CDYL: variants seen among roughly 807,000 people sequenced by gnomAD.
The protein encoded by CDYL is chromodomain Y like.
CDYL carries 8 observed loss-of-function variants against 47.3 expected under a neutral mutation model. The ratio of observed to expected loss-of-function variants is 0.17; its 90% CI spans 0.10 to 0.31. The LOEUF (loss-of-function observed/expected upper bound fraction) is 0.31, where lower values mean the gene tolerates loss of function less well. Ranked by LOEUF, CDYL falls within the 10% of genes least tolerant of loss-of-function variation. The pLI, the probability that CDYL is intolerant of heterozygous loss-of-function variation, is 1.00. For missense variants in CDYL, 471 were observed against 701.4 expected, an observed-to-expected ratio of 0.67 and a Z score of 3.71; for synonymous variants, 266 against 265.0, an observed-to-expected ratio of 1.00 and a Z score of -0.04.
chr6:4,879,065 T>G (rs762112384), intron 1 of CDYL, among the ~76,000 whole-genome samples: 11 of 152,198 alleles, frequency 7.2e-5, no homozygotes, highest in Non-Finnish European at 1.5e-4. Context: ...CTGTAAGATA[T>G]TCCATTCACT....
At chr6:4,801,934 C>T (rs1188940388) in intron 1 of CDYL, among the ~76,000 whole-genome samples, 1 of 152,190 alleles carries the variant, frequency 6.6e-6, no homozygotes, top group African/African-American at 2.4e-5. Context: ...GTATGTAGTT[C>T]AGCTGTCAGC....
At chr6:4,882,914 A>G (rs948276867) in intron 1 of CDYL, among the ~76,000 whole-genome samples, 2 of 152,172 alleles carry the variant, frequency 1.3e-5, no homozygotes, top group African/African-American at 2.4e-5. Context: ...GTTGACGTAC[A>G]TTCTTGCCGT....
chr6:4,852,799 CTTTG>C (rs1345754355), intron 1 of CDYL, among the ~76,000 whole-genome samples: 2 of 144,676 alleles, frequency 1.4e-5, no homozygotes, highest in South Asian at 2.1e-4. Flanking sequence ...TCATGGGTTT[CTTTG>C]TTCTTTTTTT....
chr6:4,722,272 G>C (rs1054667165), intron 2 of CDYL, among the ~76,000 whole-genome samples: 20 of 151,928 alleles, frequency 1.3e-4, no homozygotes, highest in African/African-American at 4.6e-4. Flanking sequence ...AACCAGCCTG[G>C]GCAACACAGC....
intron 1 of CDYL, among the ~76,000 whole-genome samples, chr6:4,821,740 GA>G (rs61074922): frequency 0.028 from 4,006 of 142,620 alleles, 91 homozygotes; most frequent in East Asian, 0.095. Flanking sequence ...TATCTCGGGG[GA>G]AAAAAAAAAA....
intron 1 of CDYL, among the ~76,000 whole-genome samples, chr6:4,794,588 G>GGGGAA (rs1759018332): frequency 6.6e-6 from 1 of 152,072 alleles, no homozygotes; most frequent in African/African-American, 2.4e-5. Context: ...GGGAAGGGGA[G>GGGGAA]GGCCAGGAGA....
At chr6:4,929,493 TACACAC>T (rs71540836) in intron 2 of CDYL, among the ~76,000 whole-genome samples, 38 of 144,036 alleles carry the variant, frequency 2.6e-4, no homozygotes, top group African/African-American at 7.2e-4. Context: ...ATGTTTTACT[TACACAC>T]ACACACACAC....
intron 1 of CDYL, among the ~76,000 whole-genome samples, chr6:4,857,392 G>A (rs1019050225): frequency 1.3e-5 from 2 of 152,182 alleles, no homozygotes; most frequent in African/African-American, 4.8e-5. Context: ...GAATTTAAGG[G>A]TAGTTGCAAA....
At chr6:4,820,647 G>A (rs1034684114) in intron 1 of CDYL, among the ~76,000 whole-genome samples, 7 of 152,176 alleles carry the variant, frequency 4.6e-5, no homozygotes, top group African/African-American at 1.7e-4. Context: ...AGAAGAGGCT[G>A]CATAGACAGG....
upstream of CDYL, among the ~76,000 whole-genome samples, chr6:4,776,241 C>A (rs1489685389): frequency 2.1e-5 from 3 of 143,578 alleles, no homozygotes; most frequent in Non-Finnish European, 4.6e-5. Flanking sequence ...GCCGGCCGCC[C>A]GCCTCGGCCC....
chr6:4,886,283 G>A (rs1047115871), intron 1 of CDYL, among the ~76,000 whole-genome samples: 9 of 152,128 alleles, frequency 5.9e-5, no homozygotes, highest in Non-Finnish European at 8.8e-5. Flanking sequence ...TGGGTCATAT[G>A]GTAACTCTAT....
At chr6:4,900,220 A>C (rs1157945677) in intron 2 of CDYL, among the ~76,000 whole-genome samples, 2 of 152,064 alleles carry the variant, frequency 1.3e-5, no homozygotes, top group East Asian at 3.8e-4. Context: ...TGTTCTTAGC[A>C]TTTGCTCTTT....
At chr6:4,850,035 A>G (rs1760777949) in intron 1 of CDYL, among the ~76,000 whole-genome samples, 1 of 152,156 alleles carries the variant, frequency 6.6e-6, no homozygotes, top group Admixed American at 6.5e-5. Flanking sequence ...TCATGACTGG[A>G]TTGGCAAAAA....
At chr6:4,879,766 G>A (rs139883486) in intron 1 of CDYL, among the ~76,000 whole-genome samples, 69 of 152,054 alleles carry the variant, frequency 4.5e-4, no homozygotes, top group Non-Finnish European at 4.4e-5. Context: ...CACCATGTTG[G>A]CCAGGCTAGT....
At chr6:4,780,330 T>G (rs1399073128) in intron 1 of CDYL, among the ~76,000 whole-genome samples, 1 of 146,708 alleles carries the variant, frequency 6.8e-6, no homozygotes, top group Non-Finnish European at 1.5e-5. Context: ...CCTCCCGGGT[T>G]CAAAGCTATT....
intron 1 of CDYL, among the ~76,000 whole-genome samples, chr6:4,851,293 T>G (rs1760818805): frequency 6.6e-6 from 1 of 152,220 alleles, no homozygotes; most frequent in South Asian, 2.1e-4. Context: ...TGGTAAAGAC[T>G]TAACCTAGTG....
intron 3 of CDYL, among the ~76,000 whole-genome samples, chr6:4,760,398 A>C (rs1000813200): frequency 2.0e-5 from 3 of 151,744 alleles, no homozygotes; most frequent in African/African-American, 7.3e-5. Flanking sequence ...ATGATGACCC[A>C]AGTAGAAAGT....
At chr6:4,897,871 C>G (rs2127491326) in intron 2 of CDYL, among the ~76,000 whole-genome samples, 1 of 149,754 alleles carries the variant, frequency 6.7e-6, no homozygotes, top group African/African-American at 2.4e-5. Flanking sequence ...TCCTGGCTAA[C>G]AGTGAAACCC....
At position 4,729,079 on chromosome 6, in the gene CDYL, T is replaced by A. The variant is rs1757560224; in HGVS notation, c.104-5683T>A. On this transcript the variant is annotated intron_variant, in intron 2 of 8. Coordinates refer to the CDYL transcript ENST00000328908. ...CCTTATTTAATGTCTTCTCTCTGCC[T>A]ACTCAGCCCAGTGTGGTAGTCAGGC... Among the ~76,000 whole-genome samples, 3 of 152,150 alleles carry A rather than the reference T, an allele frequency of 2.0e-5. No homozygotes were observed. The South Asian group carries it at 6.2e-4, about 32-fold the overall frequency.
Sources: gnomAD v4.1 joint callset for allele counts (sites outside exome capture counted in the v4.1 genomes callset) on GRCh38, gnomAD v4.1.1 for gene constraint, MANE v1.5 for transcripts, NCBI Gene and HGNC (gene_info 2026-07-23, HGNC 2026-07-21) for gene names.